The following HDX variants were observed in gnomAD, a reference collection of about 807,000 sequenced individuals.
The protein encoded by HDX is chromosome X open reading frame 43.
A neutral mutation model predicts 45.2 loss-of-function variants in HDX; 19 were observed. That is an observed-to-expected ratio of 0.42 (90% CI 0.29 to 0.62). The LOEUF is 0.62. Among genes scored for constraint, HDX ranks in the 20% least tolerant of loss-of-function variants. The pLI is 0.20. For missense variants in HDX, 532 were observed against 493.9 expected (o/e 1.08, Z -0.73); for synonymous variants, 188 against 172.8 (o/e 1.09, Z -0.69).
At chrX:84,409,009 C>G (rs1161745544) in intron 5 of HDX, among the ~76,000 whole-genome samples, 1 of 110,829 alleles carries the variant, frequency 9.0e-6, no homozygotes, top group Non-Finnish European at 1.9e-5. Context: ...CTACAATGAA[C>G]TCAAACAAAT....
chrX:84,491,935 C>A (rs2040900912), intron 1 of HDX, among the ~76,000 whole-genome samples: 1 of 111,569 alleles, frequency 9.0e-6, no homozygotes, highest in Non-Finnish European at 1.9e-5. Context: ...AGTTTCATCA[C>A]ACACTTGAGC....
At chrX:84,498,820 TGCACAC>T (rs1344326738) in intron 1 of HDX, among the ~76,000 whole-genome samples, 2 of 48,320 alleles carry the variant, frequency 4.1e-5, no homozygotes, top group African/African-American at 1.7e-4. Flanking sequence ...ATGGAATGTA[TGCACAC>T]ACACACACAC....
At chrX:84,397,973 G>C (rs2038604318) in intron 5 of HDX, among the ~76,000 whole-genome samples, 1 of 110,734 alleles carries the variant, frequency 9.0e-6, no homozygotes, top group South Asian at 3.9e-4. Flanking sequence ...TGAGAATCCT[G>C]CACCGGCAAC....
At chrX:84,410,078 AAAAAG>A (rs1161243826) in intron 5 of HDX, among the ~76,000 whole-genome samples, 1 of 106,187 alleles carries the variant, frequency 9.4e-6, no homozygotes, top group African/African-American at 3.4e-5. Context: ...AAAAAAAAAA[AAAAAG>A]AATCATATCA....
intron 5 of HDX, among the ~76,000 whole-genome samples, chrX:84,397,593 G>A (rs2038595434): frequency 9.0e-6 from 1 of 111,457 alleles, no homozygotes; most frequent in South Asian, 3.8e-4. Flanking sequence ...ACCCAGCTGA[G>A]GAGGCTGCCT....
intron 7 of HDX, among the ~76,000 whole-genome samples, chrX:84,340,879 C>T (rs2037070922): frequency 9.0e-6 from 1 of 111,201 alleles, no homozygotes; most frequent in South Asian, 3.8e-4. Flanking sequence ...TCTCTTTCTT[C>T]TTTTTCTCAT....
At chrX:84,377,487 G>T (rs1486661229) in intron 5 of HDX, among the ~76,000 whole-genome samples, 1 of 111,536 alleles carries the variant, frequency 9.0e-6, no homozygotes, top group Admixed American at 9.6e-5. Flanking sequence ...TGAGGAAAAA[G>T]AAATTCAAGC....
chrX:84,325,923 T>G (rs185082281), intron 10 of HDX, among the ~76,000 whole-genome samples: 85 of 111,882 alleles, frequency 7.6e-4, no homozygotes, highest in Non-Finnish European at 4.1e-4. Flanking sequence ...ATTTTAAAGT[T>G]ATTTTCCTCA....
At chrX:84,390,025 C>G (rs1025007201) in intron 5 of HDX, among the ~76,000 whole-genome samples, 43 of 110,693 alleles carry the variant, frequency 3.9e-4, no homozygotes, top group African/African-American at 1.4e-3. Context: ...GGGTTTCCAG[C>G]TTCCTCCCTC....
intron 5 of HDX, among the ~76,000 whole-genome samples, chrX:84,393,519 A>G (rs1044450004): frequency 9.0e-6 from 1 of 111,480 alleles, no homozygotes; most frequent in Non-Finnish European, 1.9e-5. Context: ...TTTTGGTATC[A>G]TAGTAATGCT....
chrX:84,339,192 AT>A, intron 7 of HDX, among the ~76,000 whole-genome samples: 1 of 111,691 alleles, frequency 9.0e-6, no homozygotes, highest in Non-Finnish European at 1.9e-5. Flanking sequence ...AAACAGGTCA[AT>A]TTAATTTTTT....
intron 5 of HDX, among the ~76,000 whole-genome samples, chrX:84,384,654 T>C (rs1030665520): frequency 3.6e-5 from 4 of 110,604 alleles, no homozygotes; most frequent in Non-Finnish European, 5.7e-5. Flanking sequence ...ATTTTTGTAG[T>C]TTTCAGTCTT....
intron 6 of HDX, among the ~76,000 whole-genome samples, chrX:84,348,533 G>GT (rs1250093172): frequency 1.8e-5 from 2 of 111,484 alleles, no homozygotes; most frequent in Non-Finnish European, 3.8e-5. Flanking sequence ...TTGTTTGTTT[G>GT]TTTTTTGCCT....
intron 10 of HDX, among the ~76,000 whole-genome samples, chrX:84,322,344 G>C (rs1398182865): frequency 9.0e-6 from 1 of 110,934 alleles, no homozygotes; most frequent in Non-Finnish European, 1.9e-5. Context: ...AGTGTGCATT[G>C]ATCACTGTTT....
chrX:84,489,154 T>A (rs1449989607), intron 1 of HDX, among the ~76,000 whole-genome samples: 2 of 111,660 alleles, frequency 1.8e-5, no homozygotes, highest in Non-Finnish European at 3.8e-5. Flanking sequence ...AGGAATGATA[T>A]ATGTGAAGGA....
intron 2 of HDX, among the ~76,000 whole-genome samples, chrX:84,476,808 C>A (rs935357118): frequency 1.8e-5 from 2 of 111,679 alleles, no homozygotes; most frequent in Non-Finnish European, 3.8e-5. Context: ...ACCTGACTTT[C>A]TTGTCCGCAC....
At chrX:84,413,024 T>A (rs1452620588) in intron 5 of HDX, among the ~76,000 whole-genome samples, 1 of 111,689 alleles carries the variant, frequency 9.0e-6, no homozygotes, top group African/African-American at 3.3e-5. Flanking sequence ...CTTAAAATGG[T>A]CATTTTGTCT....
At chrX:84,449,111 G>A (rs145558111) in intron 4 of HDX, among the ~76,000 whole-genome samples, 1,609 of 108,698 alleles carry the variant, frequency 0.015, 10 homozygotes, top group South Asian at 0.035. Context: ...AACCCAGTCA[G>A]ACAAAAAACA....
chrX:84,382,074 G>T (rs2038202619), intron 5 of HDX, among the ~76,000 whole-genome samples: 1 of 111,460 alleles, frequency 9.0e-6, no homozygotes, highest in Admixed American at 9.5e-5. Context: ...CATACAAATG[G>T]CAAACAGACA....
Sources: gnomAD v4.1 joint callset for allele counts (sites outside exome capture counted in the v4.1 genomes callset) on GRCh38, gnomAD v4.1.1 for gene constraint, MANE v1.5 for transcripts, NCBI Gene and HGNC (gene_info 2026-07-23, HGNC 2026-07-21) for gene names.